The following AOC3 variants were observed in gnomAD, a reference collection of about 807,000 sequenced individuals.
AOC3 encodes the protein amine oxidase copper containing 3, also known as amine oxidase [copper-containing] 3.
Under a neutral mutation model 55.4 loss-of-function variants are expected in AOC3, and 47 were observed. The observed-to-expected ratio is 0.85, with a 90% CI of 0.67 to 1.08. The LOEUF is 1.08. AOC3 is among the 50% of genes least tolerant of loss of function. AOC3 has a pLI of 0.00. For missense variants in AOC3, 853 were observed against 993.1 expected, an observed-to-expected ratio of 0.86 and a Z score of 1.90; for synonymous variants, 386 against 410.7, an observed-to-expected ratio of 0.94 and a Z score of 0.73.
rs1358676130 is a variant in AOC3, at chr17:42,852,557, C to A, written c.1214C>A (p.Pro405His). ...TTPLTRGVDCPYLATYVDWHF... is the reference protein window; with the variant it reads ...TTPLTRGVDCHYLATYVDWHF... ...CCCCTGACCCGTGGGGTGGACTGCC[C>A]CTACTTGGCCACCTACGTGGACTGG... Residue 405 changes from proline to histidine, a missense_variant, in exon 1 of 4, where the codon CCC (proline) becomes CAC (histidine). Coordinates refer to ENST00000308423, the MANE Select transcript of AOC3 (RefSeq NM_003734.4). 6.2e-7 allele frequency: 1 copy of A among 1,614,184 alleles called. No homozygotes were observed. The highest frequency in any genetic ancestry group is 1.7e-5 in the Admixed American group (1 of 60,016).
At position 42,851,611 on chromosome 17, in the gene AOC3, C is replaced by T. The variant is rs575260524; in HGVS notation, c.268C>T (p.Arg90Trp). 28 of 1,613,362 alleles carry T rather than the reference C, an allele frequency of 1.7e-5. 1 individual carries two copies. Among genetic ancestry groups the T allele is most frequent in the East Asian group, 1.1e-4 (5 of 44,866 alleles). ...GPGLVDAAQARPSDNCVFSVE... is the reference protein window; with the variant it reads ...GPGLVDAAQAWPSDNCVFSVE... ...AGGGCTGGTGGATGCAGCCCAGGCC[C>T]GGCCCTCGGACAACTGTGTCTTCTC... The change falls in exon 1 of 4, where the codon CGG becomes TGG. Residue 90 changes from arginine (R) to tryptophan (W), a missense_variant. Transcript: ENST00000308423.
In AOC3 at chr17:42,851,390, C is replaced by T; in HGVS notation, c.47C>T (p.Thr16Ile). ...ILVLLILAVI[T>I]IFALVCVLLV... is the part of the protein sequence containing the mutation. ...GTGCTCCTCATTCTGGCCGTCATCA[C>T]CATCTTTGCCTTGGTTTGTGTCCTG... The change falls in exon 1 of 4, where the codon ACC becomes ATC. Residue 16 changes from threonine to isoleucine, a missense_variant. Thr to Ile is a moderately conservative substitution (Grantham distance 89, BLOSUM62 -1). Coordinates refer to ENST00000308423, the MANE Select transcript of AOC3 (RefSeq NM_003734.4). 6.2e-7 allele frequency: 1 copy of T among 1,612,142 alleles called. No homozygotes were observed. Among genetic ancestry groups the T allele is most frequent in the Non-Finnish European group, 8.5e-7 (1 of 1,178,946 alleles).
chr17:42,851,947 A>C lies in AOC3; in HGVS notation c.604A>C (p.Lys202Gln), dbSNP rs771823490. ...SGLLHHCCFYKHRGRNLVTMT... is the reference protein window; with the variant it reads ...SGLLHHCCFYQHRGRNLVTMT... Reference sequence around the variant, plus strand: ...GCTTCTCCACCACTGTTGCTTCTACAAGCACCGGGGACGGAACCTGGTGAC... The same window carrying C: ...GCTTCTCCACCACTGTTGCTTCTACCAGCACCGGGGACGGAACCTGGTGAC... The change falls in exon 1 of 4, where the codon AAG (lysine) becomes CAG (glutamine). Residue 202 changes from lysine to glutamine, a missense_variant. Physicochemically the swap from Lys to Gln is moderately conservative, Grantham distance 53. Coordinates refer to ENST00000308423, the MANE Select transcript of AOC3 (RefSeq NM_003734.4). 1 of 1,613,428 alleles carries C rather than the reference A, an allele frequency of 6.2e-7. No homozygotes were observed. Among genetic ancestry groups the C allele is most frequent in the Non-Finnish European group, 8.5e-7 (1 of 1,179,634 alleles).
rs2055661640 is a variant in AOC3 at position 42,851,398 on chromosome 17, GC to G, written c.57del (p.Leu20TrpfsTer44). 6.2e-7 allele frequency: 1 copy of G among 1,613,220 alleles called. No homozygotes were observed. On this transcript the variant is annotated frameshift_variant, in exon 1 of 4. Transcript: ENST00000308423. LOFTEE classifies it high-confidence loss of function. ...CATTCTGGCCGTCATCACCATCTTT[GC>G]CTTGGTTTGTGTCCTGCTGGTGGGC... ...LLILAVITIF[A>X]LVCVLLVGRG...
rs1443157210 is a variant in AOC3 at position 42,857,711 on chromosome 17, GGGATGGGGAC to G, written c.*1162_*1171del. 1 of 152,212 alleles carries G rather than the reference GGGATGGGGAC, an allele frequency of 6.6e-6. No homozygotes were observed. The highest frequency in any genetic ancestry group is 1.5e-5 in the Non-Finnish European group (1 of 68,062). The allele number at this position is 152,212 out of a possible 1,614,324, so 9.4% of individuals were successfully genotyped here. A position where few individuals can be genotyped will look rare whatever the true frequency, so the allele number is the denominator to read the frequency against. On this transcript the variant is annotated 3_prime_UTR_variant, in exon 4 of 4. Coordinates refer to ENST00000308423, the MANE Select transcript of AOC3 (RefSeq NM_003734.4). ...GCTGTCCCTCCTGAGGTCTGGATTG[GGGATGGGGAC>G]AAAGAAATAGCAAGAGATGAGAAAC...
In AOC3 at chr17:42,852,717, G is replaced by T. The variant is rs748004654; in HGVS notation, c.1374G>T (p.Thr458=). The change falls in exon 1 of 4, where the codon ACG becomes ACT. Residue 458 remains threonine (T), a synonymous_variant. Coordinates refer to ENST00000308423, the MANE Select transcript of AOC3 (RefSeq NM_003734.4). The part of the protein sequence containing the change: ...YSHYFGGLAE[T]VLVVRSMSTL... ...ACTACTTTGGGGGTCTTGCGGAAAC[G>T]GTGCTGGTCGTCAGATCTATGTCCA... 6.2e-7 allele frequency: 1 copy of T among 1,614,206 alleles called. No homozygotes were observed. Among genetic ancestry groups the T allele is most frequent in the Non-Finnish European group, 8.5e-7 (1 of 1,180,044 alleles).
At chr17:42,854,385 G>A in intron 1 of AOC3, 63 bp from the exon 2 acceptor site, 1 of 1,394,374 alleles carries the variant, frequency 7.2e-7, no homozygotes, top group Non-Finnish European at 9.4e-7. Context: ...GCCAGATGGG[G>A]GCAGAGTCCA....
Position 42,855,436 on chromosome 17 carries a change from C to A in AOC3, c.1887-8C>A. On this transcript the variant is annotated splice_polypyrimidine_tract_variant and splice_region_variant and intron_variant, in intron 2 of 3. Transcript: ENST00000308423. ...ATGGCCATGGAGGCCTGACCAGTGC[C>A]TCCCTAGGTACCAGCTGGCTGTGAC... is the stretch of plus-strand genomic sequence containing the variant. 6.3e-7 allele frequency: 1 copy of A among 1,599,564 alleles called. No homozygotes were observed. The highest frequency in any genetic ancestry group is 1.1e-5 in the South Asian group (1 of 88,668).
chr17:42,852,940 G>T lies in AOC3; in HGVS notation c.1597G>T (p.Ala533Ser), dbSNP rs1299136357. 3.1e-6 allele frequency: 5 copies of T among 1,601,288 alleles called. No individual in the cohort carries two copies. The South Asian group carries it at 5.5e-5, about 18-fold the overall frequency. The change falls in exon 1 of 4, where the codon GCA (alanine) becomes TCA (serine). Residue 533 changes from alanine to serine, a missense_variant. Ala to Ser is a moderately conservative substitution (Grantham distance 99, BLOSUM62 1). Coordinates refer to ENST00000308423, the MANE Select transcript of AOC3 (RefSeq NM_003734.4). Reference protein sequence around the residue: ...SAHFKVDLDVAGLENWVWAED... With the variant: ...SAHFKVDLDVSGLENWVWAED... ...CCACTTCAAGGTGGATCTGGATGTA[G>T]CAGGTAAGACATTTTGGTGGGGAGA...
In AOC3 at chr17:42,855,591, G is replaced by A; in HGVS notation, c.2016+18G>A. On this transcript the variant is annotated intron_variant, in intron 3 of 3. Transcript: ENST00000308423. ...CTGGAAAGGTCAGCTGGCCGGGGTAGAGGGTACAGGATGAGCCTTGCTTTC... is the reference window on the plus strand; with the variant it reads ...CTGGAAAGGTCAGCTGGCCGGGGTAAAGGGTACAGGATGAGCCTTGCTTTC... 6.2e-7 allele frequency: 1 copy of A among 1,614,162 alleles called. No individual in the cohort carries two copies. The highest frequency in any genetic ancestry group is 8.5e-7 in the Non-Finnish European group (1 of 1,180,020).
In AOC3 at chr17:42,851,917, T is replaced by C. The variant is rs2055673567; in HGVS notation, c.574T>C (p.Ser192Pro). The C allele has an allele frequency of 6.2e-7, 1 of 1,613,616 alleles. No homozygotes were observed. The highest frequency in any genetic ancestry group is 1.3e-5 in the African/African-American group (1 of 74,922). Reference sequence around the variant, plus strand: ...CTTCAACAGAGAGCTGCCCCAGGCTTCTGGGCTTCTCCACCACTGTTGCTT... The same window carrying C: ...CTTCAACAGAGAGCTGCCCCAGGCTCCTGGGCTTCTCCACCACTGTTGCTT... ...MIFNRELPQA[S>P]GLLHHCCFYK... is the part of the protein sequence containing the mutation. Residue 192 changes from serine to proline, a missense_variant, in exon 1 of 4, where the codon TCT (serine) becomes CCT (proline). Ser to Pro is a moderately conservative substitution (Grantham distance 74). Transcript: ENST00000308423.
At position 42,852,275 on chromosome 17, in the gene AOC3, C is replaced by T. The variant is rs1430422981; in HGVS notation, c.932C>T (p.Ala311Val). Residue 311 changes from alanine (A) to valine (V), a missense_variant, in exon 1 of 4, where the codon GCT becomes GTT. Coordinates refer to ENST00000308423, the MANE Select transcript of AOC3 (RefSeq NM_003734.4). The part of the protein sequence containing the change: ...SLKSPVPPGP[A>V]PPLQFYPQGP... ...AAGTCCCCTGTGCCCCCGGGTCCAG[C>T]TCCCCCTCTACAGTTCTATCCCCAA... The T allele has an allele frequency of 6.2e-7, 1 of 1,614,044 alleles. No homozygotes were observed. Among genetic ancestry groups the T allele is most frequent in the Non-Finnish European group, 8.5e-7 (1 of 1,180,016 alleles).
intron 2 of AOC3, among the ~76,000 whole-genome samples, 199 bp downstream of exon 2, chr17:42,854,932 C>T (rs1448747058): frequency 5.3e-5 from 8 of 151,236 alleles, no homozygotes; most frequent in East Asian, 1.9e-4. Context: ...CTGCATCCTC[C>T]GCCTCCCAGT....
chr17:42,854,032 G>T (rs2055711091), intron 1 of AOC3: 1 of 160,932 alleles, frequency 6.2e-6, no homozygotes, highest in Non-Finnish European at 1.3e-5. Flanking sequence ...CTGAAAAGTT[G>T]CCCGGAAGGG....
At position 42,852,630 on chromosome 17, in the gene AOC3, T is replaced by G; in HGVS notation, c.1287T>G (p.Phe429Leu). ...SQAPKTIRDA[F>L]CVFEQNQGLP... The stretch of plus-strand genomic sequence containing the variant: ...CCCCCAAGACAATACGTGATGCCTT[T>G]TGTGTGTTTGAACAGAACCAGGGCC... The change falls in exon 1 of 4, where the codon TTT becomes TTG. Residue 429 changes from phenylalanine (F) to leucine (L), a missense_variant. By Grantham distance (22) the Phe-to-Leu change is conservative. Coordinates refer to ENST00000308423, the MANE Select transcript of AOC3 (RefSeq NM_003734.4). 6.2e-7 allele frequency: 1 copy of G among 1,614,176 alleles called. No homozygotes were observed. Among genetic ancestry groups the G allele is most frequent in the Non-Finnish European group, 8.5e-7 (1 of 1,180,030 alleles).
In AOC3 at chr17:42,856,359, G is replaced by A. The variant is rs753321827; in HGVS notation, c.2101G>A (p.Val701Met). 1.1e-5 allele frequency: 17 copies of A among 1,614,070 alleles called. No homozygotes were observed. Among genetic ancestry groups the A allele is most frequent in the African/African-American group, 2.7e-5 (2 of 74,906 alleles). Residue 701 changes from valine (V) to methionine (M), a missense_variant, in exon 4 of 4, where the codon GTG becomes ATG. Val to Met is a conservative substitution (Grantham distance 21). Transcript: ENST00000308423. ...IPNTVTVGNG[V>M]GFFLRPYNFF... ...TAACACAGTGACTGTGGGGAACGGC[G>A]TGGGCTTCTTCCTCCGACCCTATAA...
intron 1 of AOC3, 46 bp from the exon 2 acceptor site, chr17:42,854,402 C>A: frequency 2.1e-6 from 3 of 1,444,682 alleles, no homozygotes; most frequent in Non-Finnish European, 2.7e-6. Context: ...TCCAGAGGGG[C>A]CAGGGCAGTT....
rs2055697369 is a variant in AOC3 at position 42,852,947 on chromosome 17, A to G, written c.1600+4A>G. 1.3e-6 allele frequency: 2 copies of G among 1,597,678 alleles called. No individual in the cohort carries two copies. Among genetic ancestry groups the G allele is most frequent in the Non-Finnish European group, 1.7e-6 (2 of 1,166,270 alleles). The stretch of plus-strand genomic sequence containing the variant: ...AAGGTGGATCTGGATGTAGCAGGTA[A>G]GACATTTTGGTGGGGAGAAGGCTTC... On this transcript the variant is annotated splice_donor_region_variant and intron_variant, in intron 1 of 3. Transcript: ENST00000308423.
intron 1 of AOC3, chr17:42,854,205 T>G: frequency 2.7e-6 from 1 of 367,290 alleles, no homozygotes; most frequent in Non-Finnish European, 4.8e-6. Context: ...CAGTCCTCTC[T>G]GCTAATGAAT....
Sources: gnomAD v4.1 joint callset for allele counts (sites outside exome capture counted in the v4.1 genomes callset) on GRCh38, gnomAD v4.1.1 for gene constraint, MANE v1.5 for transcripts, NCBI Gene and HGNC (gene_info 2026-07-23, HGNC 2026-07-21) for gene names.